Variants in PRKG1 observed in about 807,000 individuals in gnomAD.
The protein encoded by PRKG1 is cGMP-dependent protein kinase 1.
PRKG1 carries 35 observed loss-of-function variants against 88.1 expected under a neutral mutation model. The ratio of observed to expected loss-of-function variants is 0.40; its 90% CI spans 0.30 to 0.53. The LOEUF (loss-of-function observed/expected upper bound fraction) is 0.53, where lower values mean the gene tolerates loss of function less well. Ranked by LOEUF, PRKG1 falls within the 20% of genes least tolerant of loss-of-function variation. The pLI is 0.59. For missense variants in PRKG1, 540 were observed against 839.8 expected (o/e 0.64, Z 4.41); for synonymous variants, 303 against 292.5 (o/e 1.04, Z -0.37).
intron 2 of PRKG1, among the ~76,000 whole-genome samples, chr10:51,422,042 A>T (rs1415411953): frequency 1.3e-5 from 2 of 152,144 alleles, no homozygotes; most frequent in African/African-American, 2.4e-5. Context: ...GTGTTTGCTT[A>T]CTCTGTGCCA....
chr10:51,999,446 A>G (rs531066989), intron 5 of PRKG1, among the ~76,000 whole-genome samples: 2 of 152,346 alleles, frequency 1.3e-5, no homozygotes, highest in South Asian at 2.1e-4. Context: ...TTAGGGTTAG[A>G]ATTGCAACAC....
At chr10:51,425,770 C>T (rs1288966102) in intron 2 of PRKG1, among the ~76,000 whole-genome samples, 4 of 152,152 alleles carry the variant, frequency 2.6e-5, no homozygotes, top group Non-Finnish European at 5.9e-5. Context: ...AGGACATAGA[C>T]AGGATATGTG....
chr10:52,082,009 C>T (rs1279709664), intron 7 of PRKG1, among the ~76,000 whole-genome samples: 1 of 152,130 alleles, frequency 6.6e-6, no homozygotes, highest in Non-Finnish European at 1.5e-5. Flanking sequence ...GTTTAATTGA[C>T]TCACAGTTCT....
Position 52,289,157 on chromosome 10 carries a change from A to T in PRKG1, c.1895+164A>T, listed in dbSNP as rs1589761994. On this transcript the variant is annotated intron_variant, in intron 16 of 17. Transcript: ENST00000373980. ...AATGCCTTTCTAGTTGTGATTATGA[A>T]ACCTTATTTATATTTATCTGACAAC... 3.9e-5 allele frequency among the ~76,000 whole-genome samples: 6 copies of T among 152,210 alleles called. No homozygotes were observed. In the South Asian group the frequency reaches 1.2e-3, roughly 32 times the overall value.
intron 5 of PRKG1, among the ~76,000 whole-genome samples, chr10:52,050,074 T>C (rs551447125): frequency 2.8e-4 from 42 of 151,830 alleles, no homozygotes; most frequent in African/African-American, 9.7e-4. Flanking sequence ...TGTGTGGTGG[T>C]GGTGGTAAGG....
At chr10:51,735,885 A>G (rs1589244227) in intron 3 of PRKG1, among the ~76,000 whole-genome samples, 1 of 94,478 alleles carries the variant, frequency 1.1e-5, no homozygotes, top group East Asian at 2.8e-4. Context: ...ATATATGTAT[A>G]TTTATTTATT....
intron 2 of PRKG1, among the ~76,000 whole-genome samples, chr10:51,357,588 T>C (rs969183127): frequency 1.6e-4 from 24 of 151,976 alleles, no homozygotes; most frequent in African/African-American, 5.6e-4. Context: ...TCAGAAACTA[T>C]TGACGAGAAT....
chr10:51,604,634 T>A (rs530475538), intron 3 of PRKG1, among the ~76,000 whole-genome samples: 13 of 152,350 alleles, frequency 8.5e-5, no homozygotes, highest in African/African-American at 2.9e-4. Flanking sequence ...AGCATTTGTT[T>A]TGCTGATACG....
chr10:52,091,002 C>T (rs1039993741), intron 7 of PRKG1, among the ~76,000 whole-genome samples: 4 of 152,164 alleles, frequency 2.6e-5, no homozygotes, highest in South Asian at 2.1e-4. Flanking sequence ...CCATGAGTTT[C>T]GAGGACTGAA....
At chr10:51,913,733 T>A (rs552205428) in intron 5 of PRKG1, among the ~76,000 whole-genome samples, 1 of 152,322 alleles carries the variant, frequency 6.6e-6, no homozygotes, top group South Asian at 2.1e-4. Flanking sequence ...GTCACTGTAG[T>A]ATACTCTACT....
chr10:51,301,575 A>C (rs115056539), intron 2 of PRKG1, among the ~76,000 whole-genome samples: 500 of 152,342 alleles, frequency 3.3e-3, no homozygotes, highest in African/African-American at 0.011. Context: ...ATGGAGCAAC[A>C]GAAATCCATA....
intron 1 of PRKG1, among the ~76,000 whole-genome samples, chr10:51,150,282 C>T (rs1846038517): frequency 6.6e-6 from 1 of 152,046 alleles, no homozygotes; most frequent in South Asian, 2.1e-4. Flanking sequence ...TGCATTATAT[C>T]TTAGTTACAG....
rs1343009648 is a variant in PRKG1, at chr10:50,993,084, A to G, written c.266+1440A>G. ...GGCGCTTAGTGTCTGCCACTGGCCC[A>G]CTGCACCTCCTCCGTGTCTGCCTCT... On this transcript the variant is annotated intron_variant, in intron 1 of 17. Coordinates refer to the PRKG1 transcript ENST00000401604. Among the ~76,000 whole-genome samples the G allele has an allele frequency of 7.2e-5, 11 of 152,170 alleles. No individual in the cohort carries two copies. The East Asian group carries it at 1.9e-3, about 27-fold the overall frequency.
chr10:52,161,512 C>T (rs1168043192), intron 8 of PRKG1, among the ~76,000 whole-genome samples: 1 of 152,050 alleles, frequency 6.6e-6, no homozygotes, highest in Non-Finnish European at 1.5e-5. Context: ...ATAGGAGGCA[C>T]TCCATAATTG....
At chr10:51,800,578 C>T (rs1839145121) in intron 3 of PRKG1, among the ~76,000 whole-genome samples, 1 of 152,092 alleles carries the variant, frequency 6.6e-6, no homozygotes, top group African/African-American at 2.4e-5. Context: ...ATATCACTTT[C>T]ACACCATTGC....
chr10:51,127,409 T>C (rs7094279), intron 1 of PRKG1, among the ~76,000 whole-genome samples: 121,171 of 152,090 alleles, frequency 0.8, 48,820 homozygotes, highest in South Asian at 0.88. Context: ...CATAATGAGA[T>C]ACCATCTCAC....
At chr10:51,307,914 C>T (rs757024754) in intron 2 of PRKG1, among the ~76,000 whole-genome samples, 1 of 152,046 alleles carries the variant, frequency 6.6e-6, no homozygotes, top group Non-Finnish European at 1.5e-5. Context: ...TTTGTTTCAC[C>T]AAGTTTTTGG....
At chr10:52,027,778 T>TTTA (rs374863850) in intron 5 of PRKG1, among the ~76,000 whole-genome samples, 5,994 of 151,704 alleles carry the variant, frequency 0.04, 242 homozygotes, top group African/African-American at 0.1. Context: ...CTGTTCTATC[T>TTTA]TTATTATTAT....
At chr10:51,886,075 G>T (rs1226643241) in intron 4 of PRKG1, among the ~76,000 whole-genome samples, 1 of 152,086 alleles carries the variant, frequency 6.6e-6, no homozygotes, top group East Asian at 1.9e-4. Flanking sequence ...ACCCAGGCTG[G>T]ACTGCAATGA....
Sources: gnomAD v4.1 joint callset for allele counts (sites outside exome capture counted in the v4.1 genomes callset) on GRCh38, gnomAD v4.1.1 for gene constraint, MANE v1.5 for transcripts, NCBI Gene and HGNC (gene_info 2026-07-23, HGNC 2026-07-21) for gene names.